ARK2N: variants seen among roughly 807,000 people sequenced by gnomAD.
ARK2N encodes the protein arkadia (RNF111) N-terminal like PKA signaling regulator 2N, also known as protein ARK2N.
the ARK2N span, among the ~76,000 whole-genome samples, chr18:46,210,402 C>T: frequency 6.6e-6 from 1 of 152,144 alleles, no homozygotes; most frequent in African/African-American, 2.4e-5. Context: ...AATAGTAGTA[C>T]TATTTACTGA....
At chr18:46,258,076 G>T in the ARK2N span, among the ~76,000 whole-genome samples, 12 of 152,148 alleles carry the variant, frequency 7.9e-5, no homozygotes, top group African/African-American at 2.7e-4. Flanking sequence ...ATAGGTGCAC[G>T]CCGCCATGCC....
At chr18:46,193,603 T>TG in the ARK2N span, among the ~76,000 whole-genome samples, 3 of 140,530 alleles carry the variant, frequency 2.1e-5, no homozygotes, top group African/African-American at 8.2e-5. Flanking sequence ...TTTTTTTTTT[T>TG]TTTTTTTTTT....
chr18:46,259,420 T>A, the ARK2N span, among the ~76,000 whole-genome samples: 1 of 151,720 alleles, frequency 6.6e-6, no homozygotes, highest in Non-Finnish European at 1.5e-5. Flanking sequence ...ATTTTTGTAT[T>A]TTTAGTAGAG....
At chr18:46,245,349 C>T in the ARK2N span, among the ~76,000 whole-genome samples, 1 of 151,840 alleles carries the variant, frequency 6.6e-6, no homozygotes, top group African/African-American at 2.4e-5. Context: ...GGGCAGATCA[C>T]GAGGTCAGGA....
the ARK2N span, among the ~76,000 whole-genome samples, chr18:46,261,059 T>A: frequency 6.6e-6 from 1 of 152,162 alleles, no homozygotes; most frequent in Non-Finnish European, 1.5e-5. Flanking sequence ...TGACTCTCTT[T>A]GCCACTCGTT....
At chr18:46,185,651 G>A in the ARK2N span, among the ~76,000 whole-genome samples, 658 of 152,276 alleles carry the variant, frequency 4.3e-3, 3 homozygotes, top group African/African-American at 0.015. Flanking sequence ...TTTGTCTCTT[G>A]TTTTCCAGTC....
chr18:46,218,098 G>A, the ARK2N span: 10 of 152,028 alleles, frequency 6.6e-5, no homozygotes, highest in Non-Finnish European at 1.2e-4. Flanking sequence ...GCCTTTTTGT[G>A]GAAAGGAAGA....
the ARK2N span, among the ~76,000 whole-genome samples, chr18:46,175,403 C>T: frequency 1.3e-5 from 2 of 152,090 alleles, no homozygotes; most frequent in African/African-American, 2.4e-5. Flanking sequence ...GAATCACTCC[C>T]TTTCTTCTCT....
At chr18:46,239,077 G>A in the ARK2N span, among the ~76,000 whole-genome samples, 1 of 152,102 alleles carries the variant, frequency 6.6e-6, no homozygotes, top group African/African-American at 2.4e-5. Flanking sequence ...TTTGCTTTTT[G>A]CTGTTAACGT....
At chr18:46,174,614 A>G in the ARK2N span, among the ~76,000 whole-genome samples, 1 of 151,734 alleles carries the variant, frequency 6.6e-6, no homozygotes, top group African/African-American at 2.4e-5. Flanking sequence ...TGGCTCCGGC[A>G]CTCCAAGCCC....
At chr18:46,178,391 C>A in the ARK2N span, among the ~76,000 whole-genome samples, 1 of 152,214 alleles carries the variant, frequency 6.6e-6, no homozygotes, top group Non-Finnish European at 1.5e-5. Context: ...CCGCTCACTG[C>A]AATCTCCACC....
the ARK2N span, among the ~76,000 whole-genome samples, chr18:46,222,141 C>T: frequency 2.0e-5 from 3 of 152,276 alleles, no homozygotes; most frequent in Admixed American, 6.5e-5. Context: ...GGGGTCTGAC[C>T]CCAGGCATCA....
the ARK2N span, among the ~76,000 whole-genome samples, chr18:46,252,843 G>A: frequency 0.01 from 1,544 of 152,232 alleles, 28 homozygotes; most frequent in African/African-American, 0.035. Context: ...GTACTTTGAT[G>A]CCATGCCATT....
the ARK2N span, among the ~76,000 whole-genome samples, chr18:46,190,065 C>A: frequency 1.3e-5 from 2 of 152,040 alleles, no homozygotes; most frequent in Non-Finnish European, 2.9e-5. Flanking sequence ...GGCCACTGAC[C>A]TACATATTCT....
chr18:46,192,904 G>A, the ARK2N span, among the ~76,000 whole-genome samples: 1 of 147,648 alleles, frequency 6.8e-6, no homozygotes, highest in Non-Finnish European at 1.5e-5. Context: ...AAAAAAGAAT[G>A]TGGACTCTGG....
the ARK2N span, among the ~76,000 whole-genome samples, chr18:46,222,306 G>A: frequency 6.6e-6 from 1 of 152,178 alleles, no homozygotes; most frequent in Admixed American, 6.5e-5. Flanking sequence ...TGGGTATCAA[G>A]TTCTAAACAG....
At chr18:46,195,659 C>T in the ARK2N span, among the ~76,000 whole-genome samples, 1 of 145,776 alleles carries the variant, frequency 6.9e-6, no homozygotes, top group Middle Eastern at 3.7e-3. Flanking sequence ...TCACTGCAGC[C>T]TCCGCCTCCT....
the ARK2N span, among the ~76,000 whole-genome samples, chr18:46,243,541 T>C: frequency 6.6e-6 from 1 of 152,230 alleles, no homozygotes; most frequent in South Asian, 2.1e-4. Context: ...TATTTAGTTT[T>C]AGTTTTAACC....
chr18:46,252,192 CAA>C, the ARK2N span, among the ~76,000 whole-genome samples: 2 of 133,722 alleles, frequency 1.5e-5, no homozygotes. Flanking sequence ...GACTCCATCT[CAA>C]AAAAAAAAAA....
Sources: gnomAD v4.1 joint callset for allele counts (sites outside exome capture counted in the v4.1 genomes callset) on GRCh38, gnomAD v4.1.1 for gene constraint, MANE v1.5 for transcripts, NCBI Gene and HGNC (gene_info 2026-07-23, HGNC 2026-07-21) for gene names.